Variants in KIF21B observed in about 807,000 individuals in gnomAD.
KIF21B encodes the protein kinesin-like protein KIF21B.
Under a neutral mutation model 192.9 loss-of-function variants are expected in KIF21B, and 85 were observed. The observed-to-expected ratio is 0.44, with a 90% CI of 0.37 to 0.53. The LOEUF is 0.53. Ranked by LOEUF, KIF21B falls within the 20% of genes least tolerant of loss-of-function variation. KIF21B has a pLI of 0.00. For synonymous variants in KIF21B, 832 were observed against 884.6 expected (o/e 0.94, Z 1.05); for missense variants, 1,716 against 2,194.8 (o/e 0.78, Z 4.36).
chr1:200,998,347 G>C lies in KIF21B; in HGVS notation c.2077+37C>G, dbSNP rs575665002. 200 of 1,578,716 alleles carry C rather than the reference G, an allele frequency of 1.3e-4. No individual in the cohort carries two copies. The highest frequency in any genetic ancestry group is 1.7e-4 in the Non-Finnish European group (195 of 1,158,010). On this transcript the variant is annotated intron_variant, in intron 14 of 34. Coordinates refer to ENST00000461742, the MANE Select transcript of KIF21B (RefSeq NM_001252102.2). This position sits in a 1 kb window ranked among gnomAD's most constrained non-coding sequence, Gnocchi z 4.3. ...AGGAGGGGCTCAGGGAAAAGGGAGG[G>C]TCCGGATGGGGTGGAGGGGCATGGC...
chr1:200,990,862 C>T lies in KIF21B; in HGVS notation c.2687+55G>A, dbSNP rs922586732. ...CCCTCTTCCTCACCCTGGCCCTGCC[C>T]CATATTCCCACCCCCTCTGCCTGCA... On this transcript the variant is annotated intron_variant, in intron 18 of 34. Transcript: ENST00000461742. This position sits in a 1 kb window ranked among gnomAD's most constrained non-coding sequence, Gnocchi z 5.4. 45 of 1,607,010 alleles carry T rather than the reference C, an allele frequency of 2.8e-5. No homozygotes were observed. The highest frequency in any genetic ancestry group is 3.3e-4 in the Middle Eastern group (2 of 6,062).
Position 201,003,750 on chromosome 1 carries a change from A to C in KIF21B, c.1048T>G (p.Ser350Ala). Residue 350 changes from serine (S) to alanine (A), a missense_variant, in exon 8 of 35, where the codon TCA becomes GCA. This residue lies in a region of KIF21B where 1,087 missense variants were observed against 1,316.6 expected (regional missense o/e 0.83). Coordinates refer to ENST00000461742, the MANE Select transcript of KIF21B (RefSeq NM_001252102.2). Reference protein sequence around the residue: ...QTIMIACVSPSDRDFMETLNT... With the variant: ...QTIMIACVSPADRDFMETLNT... The stretch of plus-strand genomic sequence containing the variant: ...AGGGTCTCCATGAAATCTCGGTCTG[A>C]GGGGCTCACACAGGCGATCATGATG... 6.2e-7 allele frequency: 1 copy of C among 1,614,090 alleles called. No homozygotes were observed. The highest frequency in any genetic ancestry group is 1.1e-5 in the South Asian group (1 of 91,078).
intron 1 of KIF21B, 109 bp from the exon 2 acceptor site, chr1:201,009,597 A>G (rs1658119329): frequency 1.9e-6 from 2 of 1,076,694 alleles, no homozygotes; most frequent in Non-Finnish European, 1.3e-6. Context: ...GAGCCAGAGG[A>G]AAAGGAAGGA....
intron 3 of KIF21B, among the ~76,000 whole-genome samples, chr1:201,005,912 T>C (rs6657915): frequency 0.94 from 143,010 of 152,258 alleles, 67,209 homozygotes; most frequent in East Asian, 1. Flanking sequence ...CCTCATTCCC[T>C]AAGGAACCAG....
At chr1:200,986,715 G>A in intron 26 of KIF21B, 129 bp downstream of exon 26, 1 of 779,328 alleles carries the variant, frequency 1.3e-6, no homozygotes. Context: ...GAACCTGAAT[G>A]GCTCAGTCAA....
At chr1:200,991,198 A>C in intron 17 of KIF21B, 49 bp from the exon 18 acceptor site, 1 of 1,502,100 alleles carries the variant, frequency 6.7e-7, no homozygotes. Flanking sequence ...GGTGGCCTGG[A>C]GCCACACAGA....
intron 1 of KIF21B, among the ~76,000 whole-genome samples, chr1:201,015,146 A>G (rs903869708): frequency 1.3e-5 from 2 of 152,258 alleles, no homozygotes; most frequent in Admixed American, 1.3e-4. Context: ...AACTCGGCTC[A>G]AGGTCACATA....
intron 15 of KIF21B, among the ~76,000 whole-genome samples, chr1:200,994,195 A>G (rs1656898023): frequency 6.6e-6 from 1 of 152,266 alleles, no homozygotes; most frequent in African/African-American, 2.4e-5. Context: ...TTCCAGGCAC[A>G]TGACAAGCGG....
rs1655204606 is a variant in KIF21B at position 200,971,418 on chromosome 1, C to T, written c.*2103G>A. Reference sequence around the variant, plus strand: ...ACGCCTTGCAGCTACAGTGCAGTCACCCCAGGTGGGGCATCCCCGGCCCGG... The same window carrying T: ...ACGCCTTGCAGCTACAGTGCAGTCATCCCAGGTGGGGCATCCCCGGCCCGG... On this transcript the variant is annotated 3_prime_UTR_variant, in exon 35 of 35. Coordinates refer to ENST00000461742, the MANE Select transcript of KIF21B (RefSeq NM_001252102.2). 6.6e-6 allele frequency: 1 copy of T among 152,604 alleles called. No individual in the cohort carries two copies. Among genetic ancestry groups the T allele is most frequent in the Non-Finnish European group, 1.5e-5 (1 of 68,070 alleles). The allele number at this position is 152,604 out of a possible 1,614,324, so 9.5% of individuals were successfully genotyped here.
At chr1:200,977,164 T>C (rs374809561) in intron 31 of KIF21B, 48 bp downstream of exon 31, 32 of 1,571,550 alleles carry the variant, frequency 2.0e-5, no homozygotes, top group Non-Finnish European at 2.7e-5. Context: ...CCTGGGGACC[T>C]TGCCTGGGAA....
intron 1 of KIF21B, among the ~76,000 whole-genome samples, chr1:201,022,135 G>A (rs1021419001): frequency 2.0e-5 from 3 of 152,238 alleles, no homozygotes; most frequent in African/African-American, 7.2e-5. Context: ...TCTTTGGGCT[G>A]CAGAGGCCTG....
At chr1:201,002,137 C>G in intron 9 of KIF21B, 24 bp downstream of exon 9, 1 of 1,610,478 alleles carries the variant, frequency 6.2e-7, no homozygotes, top group Non-Finnish European at 8.5e-7. Flanking sequence ...GTGCTCTGAC[C>G]TGGCCTGGCA....
intron 1 of KIF21B, among the ~76,000 whole-genome samples, chr1:201,015,131 C>G: frequency 6.6e-6 from 1 of 152,178 alleles, no homozygotes; most frequent in South Asian, 2.1e-4. Flanking sequence ...CAGAGAGAAA[C>G]CGATAACTCG....
chr1:200,994,879 C>T (rs966465640), intron 15 of KIF21B, among the ~76,000 whole-genome samples: 2 of 152,298 alleles, frequency 1.3e-5, no homozygotes, highest in East Asian at 3.9e-4. Flanking sequence ...GTGCAGGGGC[C>T]CTTGGGTGAT....
intron 32 of KIF21B, 82 bp downstream of exon 32, chr1:200,976,694 A>G (rs773648046): frequency 2.1e-5 from 17 of 812,572 alleles, no homozygotes; most frequent in Non-Finnish European, 3.1e-5. Context: ...ATAATTTTTC[A>G]TGGGTACTCC....
Position 200,990,309 on chromosome 1 carries a change from C to T in KIF21B, c.2859G>A (p.Leu953=), listed in dbSNP as rs750814525. 6.2e-7 allele frequency: 1 copy of T among 1,611,930 alleles called. No individual in the cohort carries two copies. The highest frequency in any genetic ancestry group is 8.5e-7 in the Non-Finnish European group (1 of 1,179,288). Residue 953 remains leucine, a synonymous_variant, in exon 20 of 35, where the codon CTG becomes CTA. Transcript: ENST00000461742. This position sits in a 1 kb window ranked among gnomAD's most constrained non-coding sequence, Gnocchi z 5.4. ...LIKKREELFL[L]QEALRRKRER... is the part of the protein sequence containing the mutation. ...CCCGCTTCCTCCGCAGTGCCTCCTGCAGGAGGAACAGCTCCTCCCTTTTCT... is the reference window on the plus strand; with the variant it reads ...CCCGCTTCCTCCGCAGTGCCTCCTGTAGGAGGAACAGCTCCTCCCTTTTCT...
intron 1 of KIF21B, among the ~76,000 whole-genome samples, chr1:201,021,733 A>C (rs1159529393): frequency 6.6e-6 from 1 of 152,130 alleles, no homozygotes; most frequent in Non-Finnish European, 1.5e-5. Flanking sequence ...GATGGAATCT[A>C]AAGGAAACCC....
intron 29 of KIF21B, 113 bp downstream of exon 29, chr1:200,980,847 C>G (rs1322941230): frequency 7.5e-7 from 1 of 1,335,474 alleles, no homozygotes; most frequent in African/African-American, 1.5e-5. Flanking sequence ...GACCCCATAT[C>G]CTCAACTCCT....
At chr1:201,011,458 T>C (rs1194561928) in intron 1 of KIF21B, among the ~76,000 whole-genome samples, 3 of 152,242 alleles carry the variant, frequency 2.0e-5, no homozygotes, top group Non-Finnish European at 4.4e-5. Context: ...CTTGAACCTA[T>C]GCAGTCTGCA....
Sources: allele counts gnomAD v4.1 joint callset (sites outside exome capture counted in the v4.1 genomes callset), GRCh38; gene constraint gnomAD v4.1.1; regional missense constraint gnomAD v4.1.1; non-coding constraint Gnocchi (gnomAD v3.1); transcripts MANE v1.5; gene names NCBI Gene and HGNC (gene_info 2026-07-23, HGNC 2026-07-21).